The following MTR variants were observed in gnomAD, a reference collection of about 807,000 sequenced individuals.
The protein encoded by MTR is methionine synthase.
MTR carries 84 observed loss-of-function variants against 154.8 expected under a neutral mutation model. That is an observed-to-expected ratio of 0.54 (90% CI 0.45 to 0.65). MTR has a LOEUF of 0.65. Among genes scored for constraint, MTR ranks in the 30% least tolerant of loss-of-function variants. The pLI is 0.00. For synonymous variants in MTR, 554 were observed against 553.9 expected, an observed-to-expected ratio of 1.00 and a Z score of 0.00; for missense variants, 1,275 against 1,570.2, an observed-to-expected ratio of 0.81 and a Z score of 3.18.
At chr1:236,812,141 C>G (rs1344882059) in intron 5 of MTR, among the ~76,000 whole-genome samples, 3 of 152,266 alleles carry the variant, frequency 2.0e-5, no homozygotes, top group Non-Finnish European at 4.4e-5. Flanking sequence ...CCCCAGGCCC[C>G]CACAGTGCTG....
chr1:236,864,437 C>G (rs552635600), intron 22 of MTR, among the ~76,000 whole-genome samples: 1 of 152,296 alleles, frequency 6.6e-6, no homozygotes, highest in East Asian at 1.9e-4. Context: ...AAGAACCTTT[C>G]AGGAAGGCTG....
intron 14 of MTR, among the ~76,000 whole-genome samples, chr1:236,838,055 C>G (rs1292514034): frequency 2.0e-5 from 3 of 152,110 alleles, no homozygotes; most frequent in African/African-American, 7.2e-5. Flanking sequence ...AAACCTTAAT[C>G]CCTGAGTCAG....
chr1:236,817,370 A>G (rs1380541064), intron 8 of MTR, among the ~76,000 whole-genome samples: 2 of 152,030 alleles, frequency 1.3e-5, no homozygotes, highest in East Asian at 3.9e-4. Flanking sequence ...ACTCATCTCA[A>G]GAATCTTCCC....
At position 236,795,515 on chromosome 1, in the gene MTR, C is replaced by A. The variant is rs772089412; in HGVS notation, c.-189C>A. On this transcript the variant is annotated 5_prime_UTR_variant, in exon 1 of 33. Coordinates refer to ENST00000366577, the MANE Select transcript of MTR (RefSeq NM_000254.3). ...TTGCCGCGCCCAGCCCCGAGAGAGG[C>A]CCTAGGGCGCTGCGGGCTTTCGGGG... 1.3e-6 allele frequency: 2 copies of A among 1,525,624 alleles called. No homozygotes were observed. The highest frequency in any genetic ancestry group is 5.0e-5 in the East Asian group (2 of 40,398). The allele number at this position is 1,525,624 out of a possible 1,614,324, so 94.5% of individuals were successfully genotyped here.
At chr1:236,865,142 G>A (rs1286674331) in intron 22 of MTR, among the ~76,000 whole-genome samples, 2 of 152,364 alleles carry the variant, frequency 1.3e-5, no homozygotes, top group Non-Finnish European at 1.5e-5. Context: ...GTCAGCAGTT[G>A]TGAAGACTGC....
At position 236,885,082 on chromosome 1, in the gene MTR, A is replaced by G. The variant is rs568576946; in HGVS notation, c.2677-39A>G. 3 of 1,303,014 alleles carry G rather than the reference A, an allele frequency of 2.3e-6. No individual in the cohort carries two copies. In the South Asian group the frequency reaches 3.6e-5, roughly 15 times the overall value. The allele number at this position is 1,303,014 out of a possible 1,614,324, so 80.7% of individuals were successfully genotyped here. ...CATTGACCATTACTACACCAGTTTT[A>G]TCATCTTTTGCTCATCTATGGCTAT... On this transcript the variant is annotated intron_variant, in intron 25 of 32. Transcript: ENST00000366577.
chr1:236,873,693 G>C, intron 22 of MTR, 80 bp from the exon 23 acceptor site: 1 of 1,191,786 alleles, frequency 8.4e-7, no homozygotes, highest in Non-Finnish European at 1.3e-6. Context: ...GTATTTAATG[G>C]TTGAAATAAA....
rs1158697839 is a variant in MTR at position 236,820,642 on chromosome 1, A to G, written c.765-3477A>G. The G allele has an allele frequency of 1.9e-5, 10 of 523,382 alleles. No individual in the cohort carries two copies. The Admixed American group carries it at 1.9e-4, about 10-fold the overall frequency. 32.4% of individuals were successfully genotyped at this position (523,382 alleles called of 1,614,324 possible). A position where few individuals can be genotyped will look rare whatever the true frequency, so the allele number is the denominator to read the frequency against. ...ATTCATGGCAGGTTTTTGTGTAGAC[A>G]TAAGTTTTAATTCATTTGGGTAAAT... is the stretch of plus-strand genomic sequence containing the variant. On this transcript the variant is annotated intron_variant, in intron 8 of 32. Coordinates refer to ENST00000366577, the MANE Select transcript of MTR (RefSeq NM_000254.3).
intron 22 of MTR, among the ~76,000 whole-genome samples, chr1:236,872,268 G>C (rs1665175589): frequency 6.6e-6 from 1 of 152,162 alleles, no homozygotes; most frequent in South Asian, 2.1e-4. Context: ...TTCTCTGAGA[G>C]TGTGCTCCAG....
In MTR at chr1:236,812,130, AC is replaced by A. The variant is rs1282632485; in HGVS notation, c.503-604del. ...ACTCCTGACCTCAAGTGATCTGCTC[AC>A]CCCAGGCCCCCACAGTGCTGGCGTG... On this transcript the variant is annotated intron_variant, in intron 5 of 32. Coordinates refer to ENST00000366577, the MANE Select transcript of MTR (RefSeq NM_000254.3). Among the ~76,000 whole-genome samples, 3 of 152,180 alleles carry A rather than the reference AC, an allele frequency of 2.0e-5. No homozygotes were observed. The East Asian group carries it at 5.8e-4, about 29-fold the overall frequency.
Position 236,825,398 on chromosome 1 carries a change from A to C in MTR, c.926A>C (p.Lys309Thr). 6.2e-7 allele frequency: 1 copy of C among 1,612,518 alleles called. No individual in the cohort carries two copies. The highest frequency in any genetic ancestry group is 8.5e-7 in the Non-Finnish European group (1 of 1,178,564). The change falls in exon 10 of 33, where the codon AAG (lysine) becomes ACG (threonine). Residue 309 changes from lysine to threonine, a missense_variant and splice_region_variant. Coordinates refer to ENST00000366577, the MANE Select transcript of MTR (RefSeq NM_000254.3). The stretch of plus-strand genomic sequence containing the variant: ...CCTTCTATGATGGCCAAGCACCTAA[A>C]GGTCAGGGGTCCCCCTTTCACTGGC... ...ETPSMMAKHLKDFAMDGLVNI... is the reference protein window; with the variant it reads ...ETPSMMAKHLTDFAMDGLVNI...
At chr1:236,814,129 A>G (rs915962408) in intron 6 of MTR, among the ~76,000 whole-genome samples, 2 of 152,228 alleles carry the variant, frequency 1.3e-5, no homozygotes, top group African/African-American at 4.8e-5. Flanking sequence ...AAGAACGTAG[A>G]GAGCCACTAC....
At chr1:236,835,993 A>G (rs1193786781) in intron 14 of MTR, among the ~76,000 whole-genome samples, 1 of 152,194 alleles carries the variant, frequency 6.6e-6, no homozygotes, top group African/African-American at 2.4e-5. Context: ...TATGTGAAGG[A>G]AAATCATTGG....
intron 15 of MTR, among the ~76,000 whole-genome samples, chr1:236,842,762 A>G (rs1663329237): frequency 7.5e-6 from 1 of 133,808 alleles, no homozygotes; most frequent in South Asian, 2.5e-4. Flanking sequence ...CAAAGGGAAT[A>G]ACAAATTTAA....
At chr1:236,893,134 G>A (rs1011218015) in intron 29 of MTR, among the ~76,000 whole-genome samples, 7 of 152,092 alleles carry the variant, frequency 4.6e-5, no homozygotes, top group Non-Finnish European at 1.0e-4. Context: ...CTCTCCTGTG[G>A]CGCAGGGAAG....
rs116444161 is a variant in MTR, at chr1:236,896,988, C to T, written c.3599-18C>T. 8.6e-4 allele frequency: 1,359 copies of T among 1,583,150 alleles called. 10 individuals carry two copies. The African/African-American group carries it at 0.016, about 19-fold the overall frequency. ...GACACTGAGTCCATAAGCATTTTCC[C>T]TGTGTTGCTCCCTCTAGGCATTAGG... On this transcript the variant is annotated intron_variant, in intron 31 of 32. Transcript: ENST00000366577.
chr1:236,861,097 C>CTTTTTTTTTTTTTTTTTTTTTTTTTTTT, intron 19 of MTR, 28 bp from the exon 20 acceptor site: 3 of 1,156,656 alleles, frequency 2.6e-6, no homozygotes, highest in South Asian at 3.3e-5. Flanking sequence ...CTTTCTTTTT[C>CTTTTTTTTTTTTTTTTTTTTTTTTTTTT]TTTTTTTTTT....
chr1:236,817,484 G>A (rs865969490), intron 8 of MTR, among the ~76,000 whole-genome samples: 55 of 152,320 alleles, frequency 3.6e-4, no homozygotes, highest in African/African-American at 1.2e-3. Flanking sequence ...TTTGTTGAGA[G>A]TTTGCTGTGT....
chr1:236,817,121 T>C (rs1484773892), intron 8 of MTR, among the ~76,000 whole-genome samples: 2 of 152,224 alleles, frequency 1.3e-5, no homozygotes, highest in African/African-American at 4.8e-5. Flanking sequence ...TACAATCTGC[T>C]TAAAAATAAC....
Sources: gnomAD v4.1 joint callset for allele counts (sites outside exome capture counted in the v4.1 genomes callset) on GRCh38, gnomAD v4.1.1 for gene constraint, MANE v1.5 for transcripts, NCBI Gene and HGNC (gene_info 2026-07-23, HGNC 2026-07-21) for gene names.